Variants in PLXNA2 observed in about 807,000 individuals in gnomAD.
PLXNA2 encodes the protein plexin-A2.
In PLXNA2, 91 loss-of-function variants were observed where a neutral mutation model predicts 193.5. The observed-to-expected ratio is 0.47, with a 90% CI of 0.40 to 0.56. PLXNA2 has a LOEUF of 0.56. Ranked by LOEUF, PLXNA2 falls within the 20% of genes least tolerant of loss-of-function variation. PLXNA2 has a pLI of 0.00. For synonymous variants in PLXNA2, 997 were observed against 1,027.3 expected (o/e 0.97, Z 0.56); for missense variants, 1,995 against 2,503.2 (o/e 0.80, Z 4.33).
chr1:208,228,224 G>A (rs1285040744), intron 1 of PLXNA2, among the ~76,000 whole-genome samples: 2 of 152,154 alleles, frequency 1.3e-5, no homozygotes, highest in Non-Finnish European at 2.9e-5. Flanking sequence ...GCTGGCCACT[G>A]AAGTGCTCTA....
intron 21 of PLXNA2, 44 bp downstream of exon 21, chr1:208,043,017 C>A (rs1664926311): frequency 6.2e-7 from 1 of 1,604,866 alleles, no homozygotes; most frequent in African/African-American, 1.3e-5. Flanking sequence ...ATACCCTGGG[C>A]CTGCATCCCT....
chr1:208,039,622 A>T lies in PLXNA2; in HGVS notation c.4499T>A (p.Leu1500Gln). The change falls in exon 24 of 32, where the codon CTG (leucine) becomes CAG (glutamine). Residue 1500 changes from leucine to glutamine, a missense_variant and splice_region_variant. Coordinates refer to ENST00000367033, the MANE Select transcript of PLXNA2 (RefSeq NM_025179.4). ...LIRQQIEYKT[L>Q]ILNCVNPDNE... Reference sequence around the variant, plus strand: ...GCCCGGAGCTTCCGGCTTCCTCACCAGGGTCTTGTACTCGATCTGCTGCCG... The same window carrying T: ...GCCCGGAGCTTCCGGCTTCCTCACCTGGGTCTTGTACTCGATCTGCTGCCG... 1 of 1,613,664 alleles carries T rather than the reference A, an allele frequency of 6.2e-7. No homozygotes were observed. Among genetic ancestry groups the T allele is most frequent in the Non-Finnish European group, 8.5e-7 (1 of 1,180,022 alleles).
chr1:208,158,205 C>T (rs1228113013), intron 3 of PLXNA2, among the ~76,000 whole-genome samples: 1 of 152,176 alleles, frequency 6.6e-6, no homozygotes, highest in Non-Finnish European at 1.5e-5. Context: ...AAATGGTGGT[C>T]TCTAAACCTG....
In PLXNA2 at chr1:208,044,451, G is replaced by A; in HGVS notation, c.3874+57C>T. ...ATAGGAGTTGTCTGCAGGGAGAAGG[G>A]CAATAAGGCAGGTGGAGAAAGAGGG... On this transcript the variant is annotated intron_variant, in intron 20 of 31. Transcript: ENST00000367033. The surrounding 1 kb of genome is among the most constrained non-coding windows in gnomAD (Gnocchi z 4.9). 8.3e-7 allele frequency: 1 copy of A among 1,204,376 alleles called. No individual in the cohort carries two copies. Among genetic ancestry groups the A allele is most frequent in the South Asian group, 1.2e-5 (1 of 81,764 alleles). 74.6% of individuals were successfully genotyped at this position (1,204,376 alleles called of 1,614,324 possible).
chr1:208,185,708 A>G (rs1351386952), intron 3 of PLXNA2, among the ~76,000 whole-genome samples: 9 of 133,032 alleles, frequency 6.8e-5, no homozygotes, highest in African/African-American at 1.4e-4. Flanking sequence ...AAAAAAAAAA[A>G]AAAAAAAAAA....
rs567995938 is a variant in PLXNA2, at chr1:208,050,936, A to T, written c.3255+73T>A. ...TCAGAGGCTCCAGTGCCTAACCCAG[A>T]GCTCATCCCATTGCAAAACATCAAC... is the stretch of plus-strand genomic sequence containing the variant. On this transcript the variant is annotated intron_variant, in intron 17 of 31. Transcript: ENST00000367033. The T allele has an allele frequency of 7.2e-5, 79 of 1,094,424 alleles. No individual in the cohort carries two copies. The East Asian group carries it at 1.8e-3, about 25-fold the overall frequency. 67.8% of individuals were successfully genotyped at this position (1,094,424 alleles called of 1,614,324 possible). A position where few individuals can be genotyped will look rare whatever the true frequency, so the allele number is the denominator to read the frequency against.
At chr1:208,224,304 T>C (rs1461544187) in intron 1 of PLXNA2, among the ~76,000 whole-genome samples, 1 of 148,058 alleles carries the variant, frequency 6.8e-6, no homozygotes, top group Non-Finnish European at 1.5e-5. Context: ...ATAATATTAT[T>C]ATTCAAATGC....
At chr1:208,083,603 A>G (rs1044398536) in intron 10 of PLXNA2, among the ~76,000 whole-genome samples, 2 of 151,848 alleles carry the variant, frequency 1.3e-5, no homozygotes. Flanking sequence ...GATTCCCTTT[A>G]TCTCTCCCAG....
In PLXNA2 at chr1:208,082,531, A is replaced by ACT; in HGVS notation, c.2299-24_2299-23insAG. The ACT allele has an allele frequency of 6.4e-7, 1 of 1,554,860 alleles. No individual in the cohort carries two copies. On this transcript the variant is annotated intron_variant, in intron 10 of 31. Coordinates refer to ENST00000367033, the MANE Select transcript of PLXNA2 (RefSeq NM_025179.4). This position sits in a 1 kb window ranked among gnomAD's most constrained non-coding sequence, Gnocchi z 4.2. The stretch of plus-strand genomic sequence containing the variant: ...GTACTATAGGGAGACGGGCAGAGGC[A>ACT]TGGGGCTCATGTGGCTCTCTATCAC...
intron 3 of PLXNA2, among the ~76,000 whole-genome samples, chr1:208,169,192 A>G (rs1022819818): frequency 6.6e-6 from 1 of 152,196 alleles, no homozygotes; most frequent in Non-Finnish European, 1.5e-5. Context: ...AGAGAGCTCA[A>G]GGGAAAAAGA....
At chr1:208,148,644 G>A (rs992016656) in intron 3 of PLXNA2, among the ~76,000 whole-genome samples, 7 of 152,198 alleles carry the variant, frequency 4.6e-5, no homozygotes, top group Admixed American at 1.3e-4. Context: ...CTGCAGATAC[G>A]TGATAAAGGA....
At chr1:208,111,557 C>T (rs1052022624) in intron 4 of PLXNA2, among the ~76,000 whole-genome samples, 10 of 152,218 alleles carry the variant, frequency 6.6e-5, no homozygotes, top group Non-Finnish European at 1.0e-4. Context: ...ATGGGCACTC[C>T]GGTTATGCCT....
intron 29 of PLXNA2, chr1:208,029,318 G>A: frequency 8.0e-7 from 1 of 1,256,474 alleles, no homozygotes; most frequent in Non-Finnish European, 1.0e-6. Flanking sequence ...CCTTCTGGGA[G>A]ACTTTTCTAA....
intron 12 of PLXNA2, among the ~76,000 whole-genome samples, chr1:208,074,033 G>A (rs1666059573): frequency 1.3e-5 from 2 of 152,198 alleles, no homozygotes; most frequent in Non-Finnish European, 1.5e-5. Flanking sequence ...TGCTAGGGCA[G>A]CCCTAGGAAA....
chr1:208,179,055 C>A (rs1232364341), intron 3 of PLXNA2, among the ~76,000 whole-genome samples: 1 of 152,212 alleles, frequency 6.6e-6, no homozygotes, highest in Non-Finnish European at 1.5e-5. Context: ...TCCCCACAAG[C>A]ATGACAGCAC....
chr1:208,181,079 T>A (rs1348636564), intron 3 of PLXNA2, among the ~76,000 whole-genome samples: 2 of 152,210 alleles, frequency 1.3e-5, no homozygotes, highest in African/African-American at 4.8e-5. Context: ...GATTTTAATT[T>A]GCTGGACTGG....
intron 3 of PLXNA2, among the ~76,000 whole-genome samples, chr1:208,148,058 C>G (rs1319614608): frequency 6.6e-6 from 1 of 152,216 alleles, no homozygotes; most frequent in African/African-American, 2.4e-5. Flanking sequence ...AGTACCTTTC[C>G]TTTAAATCAC....
intron 22 of PLXNA2, among the ~76,000 whole-genome samples, 188 bp downstream of exon 22, chr1:208,041,910 G>C (rs558891891): frequency 3.3e-4 from 50 of 152,366 alleles, no homozygotes; most frequent in African/African-American, 1.2e-3. Flanking sequence ...TTCAGACTCT[G>C]TAGTCTCCCT....
intron 11 of PLXNA2, 25 bp from the exon 12 acceptor site, chr1:208,079,475 G>T: frequency 6.5e-7 from 1 of 1,530,892 alleles, no homozygotes. Flanking sequence ...GGTGGTCACA[G>T]ATGAAACCAG....
Sources: allele counts gnomAD v4.1 joint callset (sites outside exome capture counted in the v4.1 genomes callset), GRCh38; gene constraint gnomAD v4.1.1; non-coding constraint Gnocchi (gnomAD v3.1); transcripts MANE v1.5; gene names NCBI Gene and HGNC (gene_info 2026-07-23, HGNC 2026-07-21).